The following STPG2 variants were observed in gnomAD, a reference collection of about 807,000 sequenced individuals.
The protein encoded by STPG2 is sperm-tail PG-rich repeat-containing protein 2.
In STPG2, 56 loss-of-function variants were observed where a neutral mutation model predicts 54.2. The observed-to-expected ratio is 1.03, with a 90% CI of 0.83 to 1.29. STPG2 has a LOEUF of 1.29. STPG2 is among the 50% of genes most tolerant of loss of function. STPG2 has a pLI of 0.00. For synonymous variants in STPG2, 200 were observed against 181.8 expected (o/e 1.10, Z -0.81); for missense variants, 596 against 544.9 (o/e 1.09, Z -0.93).
intron 4 of STPG2, among the ~76,000 whole-genome samples, chr4:97,528,613 G>C (rs780410871): frequency 2.0e-4 from 31 of 152,176 alleles, no homozygotes; most frequent in Non-Finnish European, 3.7e-4. Flanking sequence ...TCATGATATT[G>C]ATTCTTCCTA....
At chr4:97,788,204 A>T (rs1726884593) in intron 9 of STPG2, among the ~76,000 whole-genome samples, 2 of 152,022 alleles carry the variant, frequency 1.3e-5, no homozygotes, top group African/African-American at 2.4e-5. Flanking sequence ...CCCATTAACC[A>T]TCCCCGCTTC....
chr4:98,085,978 G>C lies in STPG2; in HGVS notation c.612+19975C>G, dbSNP rs13128474. 5.5e-3 allele frequency among the ~76,000 whole-genome samples: 831 copies of C among 152,054 alleles called. 3 individuals carry two copies. Among genetic ancestry groups the C allele is most frequent in the Non-Finnish European group, 8.9e-3 (606 of 67,898 alleles). ...ATGAAACAGTTTTGTGTTAAGGTAG[G>C]CAACGGCTCAGATGAGCACATAAAA... On this transcript the variant is annotated intron_variant, in intron 5 of 10. Coordinates refer to ENST00000295268, the MANE Select transcript of STPG2 (RefSeq NM_174952.3).
intron 10 of STPG2, among the ~76,000 whole-genome samples, chr4:97,570,072 A>T (rs1287191970): frequency 6.6e-6 from 1 of 152,112 alleles, no homozygotes; most frequent in Non-Finnish European, 1.5e-5. Context: ...TTTTTTAAGG[A>T]TTGTCACTGT....
chr4:97,966,268 G>A (rs575945149), intron 7 of STPG2, among the ~76,000 whole-genome samples: 1 of 152,028 alleles, frequency 6.6e-6, no homozygotes, highest in South Asian at 2.1e-4. Flanking sequence ...CAATCAAAAG[G>A]GTATCAGTGG....
chr4:97,720,081 C>A (rs1319929601), intron 9 of STPG2, among the ~76,000 whole-genome samples: 1 of 151,930 alleles, frequency 6.6e-6, no homozygotes, highest in African/African-American at 2.4e-5. Context: ...AAACTTACTT[C>A]ATGATAACTG....
intron 9 of STPG2, among the ~76,000 whole-genome samples, chr4:97,747,667 T>C (rs911573146): frequency 6.6e-6 from 1 of 151,446 alleles, no homozygotes; most frequent in Non-Finnish European, 1.5e-5. Flanking sequence ...TTTTAGGATT[T>C]CATAAAGCTC....
At chr4:97,538,619 C>T (rs1410369157) in intron 4 of STPG2, among the ~76,000 whole-genome samples, 3 of 152,182 alleles carry the variant, frequency 2.0e-5, no homozygotes, top group Non-Finnish European at 4.4e-5. Context: ...AAACACTCTA[C>T]AGCATATTAT....
intron 4 of STPG2, among the ~76,000 whole-genome samples, chr4:97,515,516 C>T (rs1006572936): frequency 6.6e-6 from 1 of 151,914 alleles, no homozygotes; most frequent in Non-Finnish European, 1.5e-5. Context: ...AAAAGTCAAC[C>T]ACTGTCTCCA....
intron 8 of STPG2, among the ~76,000 whole-genome samples, chr4:97,876,005 A>G (rs1730158466): frequency 1.3e-5 from 2 of 152,042 alleles, no homozygotes; most frequent in Admixed American, 1.3e-4. Flanking sequence ...CAGGAAAATG[A>G]AAGTAAAAAG....
chr4:97,712,933 C>A (rs1724171722), intron 9 of STPG2, 119 bp from the exon 10 acceptor site: 1 of 586,822 alleles, frequency 1.7e-6, no homozygotes, highest in Non-Finnish European at 2.8e-6. Flanking sequence ...CAATCTTGAA[C>A]CCATTGTTTT....
At chr4:97,815,445 A>G (rs1727879686) in intron 9 of STPG2, among the ~76,000 whole-genome samples, 1 of 152,200 alleles carries the variant, frequency 6.6e-6, no homozygotes. Context: ...TCAGTGCTCA[A>G]AAAGTTTCAG....
At chr4:98,054,852 A>C (rs700740) in intron 5 of STPG2, among the ~76,000 whole-genome samples, 66,607 of 152,020 alleles carry the variant, frequency 0.44, 15,161 homozygotes, top group Admixed American at 0.56. Flanking sequence ...TTTTATTATA[A>C]TTTTGAGCAA....
At chr4:97,766,210 C>G (rs957305821) in intron 9 of STPG2, among the ~76,000 whole-genome samples, 1 of 151,998 alleles carries the variant, frequency 6.6e-6, no homozygotes, top group South Asian at 2.1e-4. Flanking sequence ...ACCAACTGTC[C>G]TTTATGTCTT....
intron 10 of STPG2, among the ~76,000 whole-genome samples, chr4:97,672,328 C>T (rs1722725459): frequency 7.0e-6 from 1 of 142,594 alleles, no homozygotes; most frequent in East Asian, 2.0e-4. Flanking sequence ...CATGCACCAC[C>T]ACACCCAGCT....
intron 4 of STPG2, among the ~76,000 whole-genome samples, chr4:97,543,237 G>A (rs776891770): frequency 9.9e-5 from 15 of 151,486 alleles, no homozygotes; most frequent in African/African-American, 2.7e-4. Flanking sequence ...AAGAAATTTC[G>A]TTTATAAAGA....
intron 4 of STPG2, among the ~76,000 whole-genome samples, chr4:97,486,999 A>G (rs1730381369): frequency 6.6e-6 from 1 of 151,530 alleles, no homozygotes; most frequent in Non-Finnish European, 1.5e-5. Context: ...TCAGGAATGG[A>G]AAACCAAACA....
intron 10 of STPG2, among the ~76,000 whole-genome samples, chr4:97,604,182 A>T (rs1733536169): frequency 6.6e-6 from 1 of 151,642 alleles, no homozygotes; most frequent in Non-Finnish European, 1.5e-5. Flanking sequence ...GTAATCTAGT[A>T]ATCCATATTC....
intron 9 of STPG2, among the ~76,000 whole-genome samples, chr4:97,780,922 A>T (rs1347294132): frequency 6.6e-6 from 1 of 152,202 alleles, no homozygotes; most frequent in East Asian, 1.9e-4. Context: ...TCTGGGACAC[A>T]TTTAAAGCAG....
chr4:97,711,872 G>A (rs563868667), intron 10 of STPG2, among the ~76,000 whole-genome samples: 1 of 151,882 alleles, frequency 6.6e-6, no homozygotes, highest in South Asian at 2.1e-4. Flanking sequence ...GTTTCATCAT[G>A]TTGGCCAGGC....
Sources: gnomAD v4.1 joint callset for allele counts (sites outside exome capture counted in the v4.1 genomes callset) on GRCh38, gnomAD v4.1.1 for gene constraint, MANE v1.5 for transcripts, NCBI Gene and HGNC (gene_info 2026-07-23, HGNC 2026-07-21) for gene names.